The following PDE1C variants were observed in gnomAD, a reference collection of about 807,000 sequenced individuals.
PDE1C encodes the protein phosphodiesterase 1C, also known as dual specificity calcium/calmodulin-dependent 3',5'-cyclic nucleotide phosphodiesterase 1C.
Under a neutral mutation model 93.1 loss-of-function variants are expected in PDE1C, and 62 were observed. The ratio of observed to expected loss-of-function variants is 0.67; its 90% CI spans 0.54 to 0.82. The LOEUF is 0.82. Ranked by LOEUF, PDE1C falls within the 40% of genes least tolerant of loss-of-function variation. The pLI, the probability that PDE1C is intolerant of heterozygous loss-of-function variation, is 0.00. For missense variants in PDE1C, 742 were observed against 884.6 expected, an observed-to-expected ratio of 0.84 and a Z score of 2.04; for synonymous variants, 325 against 310.1, an observed-to-expected ratio of 1.05 and a Z score of -0.50.
At chr7:32,221,646 A>C (rs952896272) in intron 1 of PDE1C, among the ~76,000 whole-genome samples, 2 of 152,358 alleles carry the variant, frequency 1.3e-5, no homozygotes. Flanking sequence ...AGCCAAGTAC[A>C]TGTTCTAAGA....
At chr7:31,829,245 A>T (rs1033289370) in intron 11 of PDE1C, among the ~76,000 whole-genome samples, 1 of 152,082 alleles carries the variant, frequency 6.6e-6, no homozygotes, top group Non-Finnish European at 1.5e-5. Flanking sequence ...CCTTCCATAC[A>T]TTTTAGTTTT....
intron 11 of PDE1C, among the ~76,000 whole-genome samples, chr7:31,836,662 C>T (rs1791151874): frequency 6.6e-6 from 1 of 152,222 alleles, no homozygotes; most frequent in East Asian, 1.9e-4. Context: ...GACAACACAA[C>T]TCTGGAACTT....
At chr7:31,666,147 C>T in the PDE1C span, among the ~76,000 whole-genome samples, 1 of 152,196 alleles carries the variant, frequency 6.6e-6, no homozygotes, top group Non-Finnish European at 1.5e-5. Context: ...AGGGATTTAA[C>T]AACTCTGTAA....
chr7:32,050,621 T>C (rs1481951039), intron 2 of PDE1C, among the ~76,000 whole-genome samples: 2 of 152,122 alleles, frequency 1.3e-5, no homozygotes, highest in Admixed American at 1.3e-4. Flanking sequence ...ACTTTAGATA[T>C]ATATATAATT....
the PDE1C span, among the ~76,000 whole-genome samples, chr7:31,715,290 G>C: frequency 9.2e-4 from 140 of 151,880 alleles, no homozygotes; most frequent in African/African-American, 3.3e-3. Flanking sequence ...CCAGAGCAGA[G>C]TGCAGTAGCA....
chr7:32,306,371 T>C (rs367672344), intron 1 of PDE1C, among the ~76,000 whole-genome samples: 12 of 152,188 alleles, frequency 7.9e-5, no homozygotes, highest in Non-Finnish European at 1.3e-4. Flanking sequence ...CACAACCAAA[T>C]TGGGGAGCCT....
At chr7:32,128,686 C>T (rs985356518) in intron 3 of PDE1C, among the ~76,000 whole-genome samples, 2 of 151,384 alleles carry the variant, frequency 1.3e-5, no homozygotes, top group South Asian at 2.1e-4. Flanking sequence ...CTAGTAACAA[C>T]GTAAACGGGT....
At chr7:32,092,685 C>G (rs1325073039) in intron 3 of PDE1C, among the ~76,000 whole-genome samples, 2 of 152,164 alleles carry the variant, frequency 1.3e-5, no homozygotes, top group African/African-American at 4.8e-5. Flanking sequence ...GGATAAGTCT[C>G]CCACTTACTT....
intron 16 of PDE1C, chr7:31,785,531 A>G (rs947712959): frequency 6.6e-6 from 1 of 152,190 alleles, no homozygotes; most frequent in Admixed American, 6.5e-5. Context: ...TTTAAACTTG[A>G]CCATCATACA....
At chr7:31,914,882 G>C (rs975077981) in intron 2 of PDE1C, among the ~76,000 whole-genome samples, 1 of 152,136 alleles carries the variant, frequency 6.6e-6, no homozygotes, top group South Asian at 2.1e-4. Flanking sequence ...GGTATGCTCA[G>C]GAATGAATCC....
At chr7:31,721,605 A>G in the PDE1C span, among the ~76,000 whole-genome samples, 45 of 152,172 alleles carry the variant, frequency 3.0e-4, no homozygotes, top group Admixed American at 2.9e-3. Flanking sequence ...AAGTTGCAAG[A>G]TACCTTAGCA....
Position 31,815,998 on chromosome 7 carries a change from C to T in PDE1C, c.1739G>A (p.Arg580Gln), listed in dbSNP as rs773975463. The T allele has an allele frequency of 9.9e-6, 16 of 1,613,826 alleles. No homozygotes were observed. The highest frequency in any genetic ancestry group is 4.0e-5 in the African/African-American group (3 of 74,882). The change falls in exon 15 of 18, where the codon CGG (arginine) becomes CAG (glutamine). Residue 580 changes from arginine (R) to glutamine (Q), a missense_variant. By Grantham distance (43) the Arg-to-Gln change is conservative. This residue lies in a region of PDE1C where 454 missense variants were observed against 459.4 expected (regional missense o/e 0.99). Transcript: ENST00000396191. Reference protein sequence around the residue: ...GETKNQVNGTRANKSDNPRGK... With the variant: ...GETKNQVNGTQANKSDNPRGK... ...ACGAGGGTTGTCACTTTTGTTTGCCCGTGTTCCATTGACTTGATTCTTAGT... is the reference window on the plus strand; with the variant it reads ...ACGAGGGTTGTCACTTTTGTTTGCCTGTGTTCCATTGACTTGATTCTTAGT...
intron 1 of PDE1C, among the ~76,000 whole-genome samples, chr7:32,350,574 ATATATATATATATATATTTTT>A (rs1322980838): frequency 0.034 from 37 of 1,102 alleles, 8 homozygotes; most frequent in African/African-American, 0.052. Flanking sequence ...ATATATATAT[ATATATATATATATATATTTTT>A]TTTTTTTTTT....
intron 17 of PDE1C, 110 bp from the exon 18 acceptor site, chr7:31,753,663 A>C (rs1366870287): frequency 7.1e-7 from 1 of 1,407,938 alleles, no homozygotes; most frequent in East Asian, 2.6e-5. Context: ...CTCCAAGACC[A>C]GGAAAGAAGC....
chr7:32,299,464 G>A, upstream of PDE1C: 1 of 967,338 alleles, frequency 1.0e-6, no homozygotes, highest in Non-Finnish European at 1.2e-6. Flanking sequence ...GATGTGAAAT[G>A]TACAATCGAA....
intron 2 of PDE1C, among the ~76,000 whole-genome samples, chr7:31,947,145 A>G (rs1433562256): frequency 2.6e-5 from 4 of 152,244 alleles, no homozygotes; most frequent in East Asian, 3.9e-4. Flanking sequence ...ATCCACTGTT[A>G]TAATAATGGA....
chr7:32,391,590 AG>A (rs1464466385), intron 1 of PDE1C, among the ~76,000 whole-genome samples: 5 of 152,220 alleles, frequency 3.3e-5, no homozygotes, highest in Non-Finnish European at 7.4e-5. Context: ...ACTACATGCT[AG>A]GGCATAAAAA....
intron 3 of PDE1C, among the ~76,000 whole-genome samples, chr7:32,133,996 C>G (rs900004658): frequency 9.2e-5 from 14 of 151,566 alleles, no homozygotes; most frequent in African/African-American, 3.4e-4. Flanking sequence ...TTGAAGAATA[C>G]TATACCTGAA....
intron 2 of PDE1C, among the ~76,000 whole-genome samples, chr7:32,184,701 T>C (rs1428717353): frequency 4.6e-5 from 7 of 152,162 alleles, no homozygotes; most frequent in Non-Finnish European, 1.0e-4. Flanking sequence ...TAATGTTAAA[T>C]GAAGAGTTAA....
Sources: gnomAD v4.1 joint callset for allele counts (sites outside exome capture counted in the v4.1 genomes callset) on GRCh38, gnomAD v4.1.1 for gene constraint, gnomAD v4.1.1 regional missense constraint, MANE v1.5 for transcripts, NCBI Gene and HGNC (gene_info 2026-07-23, HGNC 2026-07-21) for gene names.